HCN1: variants seen among roughly 807,000 people sequenced by gnomAD.
HCN1 encodes hyperpolarization activated cyclic nucleotide gated potassium channel 1.
Under a neutral mutation model 78.9 loss-of-function variants are expected in HCN1, and 13 were observed. That is an observed-to-expected ratio of 0.16 (90% confidence interval 0.11 to 0.26). The LOEUF (loss-of-function observed/expected upper bound fraction) is 0.26, where lower values mean the gene tolerates loss of function less well. Ranked by LOEUF, HCN1 falls within the 10% of genes least tolerant of loss-of-function variation. The pLI is 1.00. For missense variants in HCN1, 810 were observed against 1,154.3 expected (o/e 0.70, Z 4.32); for synonymous variants, 552 against 455.5 (o/e 1.21, Z -2.70).
At chr5:45,549,341 C>G (rs1743307516) in intron 2 of HCN1, among the ~76,000 whole-genome samples, 1 of 151,878 alleles carries the variant, frequency 6.6e-6, no homozygotes, top group Non-Finnish European at 1.5e-5. Flanking sequence ...GAAATAATGC[C>G]ACACATCTAC....
At chr5:45,470,397 A>AC (rs1211235130) in intron 2 of HCN1, among the ~76,000 whole-genome samples, 2 of 151,820 alleles carry the variant, frequency 1.3e-5, no homozygotes, top group Admixed American at 6.6e-5. Flanking sequence ...TATTAGTGCA[A>AC]CCCCCCTAAA....
intron 2 of HCN1, among the ~76,000 whole-genome samples, chr5:45,524,294 T>A (rs986277211): frequency 6.6e-6 from 1 of 152,194 alleles, no homozygotes; most frequent in African/African-American, 2.4e-5. Flanking sequence ...TCAGGTAGCG[T>A]GATGCCTCCC....
intron 4 of HCN1, among the ~76,000 whole-genome samples, chr5:45,374,290 T>TAATATATATTGTATACATTATATACATAA (rs71000631): frequency 7.8e-6 from 1 of 128,790 alleles, no homozygotes; most frequent in Non-Finnish European, 1.6e-5. Context: ...ATTATATACA[T>TAATATATATTGTATACATTATATACATAA]TATATATATT....
chr5:45,522,964 C>T (rs906026349), intron 2 of HCN1, among the ~76,000 whole-genome samples: 1 of 151,940 alleles, frequency 6.6e-6, no homozygotes, highest in African/African-American at 2.4e-5. Flanking sequence ...CCCATCAACT[C>T]GTCATTTAGC....
intron 5 of HCN1, 118 bp downstream of exon 5, chr5:45,352,961 GAAGCTAAAGAAGATAAGGACA>G: frequency 1.5e-6 from 1 of 667,976 alleles, no homozygotes; most frequent in African/African-American, 1.8e-5. Flanking sequence ...ATGTAGGTGA[GAAGCTAAAGAAGATAAGGACA>G]AAATATCTTA....
chr5:45,674,863 G>T (rs1000588545), intron 1 of HCN1, among the ~76,000 whole-genome samples: 2 of 151,578 alleles, frequency 1.3e-5, no homozygotes, highest in Admixed American at 6.6e-5. Context: ...ATTGCTGGAA[G>T]GAAACCAGGA....
intron 2 of HCN1, among the ~76,000 whole-genome samples, chr5:45,495,189 G>A (rs1405861808): frequency 3.6e-5 from 4 of 111,376 alleles, no homozygotes; most frequent in African/African-American, 1.4e-4. Context: ...ATTACCTTGG[G>A]CAGTATGGCC....
At chr5:45,374,011 A>AATATATATT (rs1319498752) in intron 4 of HCN1, among the ~76,000 whole-genome samples, 1 of 98,672 alleles carries the variant, frequency 1.0e-5, no homozygotes, top group African/African-American at 4.2e-5. Flanking sequence ...TTATATACAT[A>AATATATATT]ATATATATTA....
intron 1 of HCN1, among the ~76,000 whole-genome samples, chr5:45,694,421 C>T (rs1385757065): frequency 5.3e-5 from 8 of 152,126 alleles, no homozygotes; most frequent in Non-Finnish European, 1.5e-5. Context: ...CTTTGTGTGG[C>T]GGGACTGTGG....
chr5:45,355,634 G>A (rs1383117181), intron 4 of HCN1, among the ~76,000 whole-genome samples: 1 of 151,982 alleles, frequency 6.6e-6, no homozygotes, highest in Non-Finnish European at 1.5e-5. Flanking sequence ...GGCACTCAGA[G>A]AAGAAAATAT....
chr5:45,579,994 C>T (rs1744025958), intron 2 of HCN1, among the ~76,000 whole-genome samples: 1 of 152,002 alleles, frequency 6.6e-6, no homozygotes, highest in Non-Finnish European at 1.5e-5. Context: ...CACCACATTC[C>T]TCTGGAATAT....
At position 45,345,848 on chromosome 5, in the gene HCN1, G is replaced by A. The variant is rs568165978; in HGVS notation, c.1377+7252C>T. On this transcript the variant is annotated intron_variant, in intron 5 of 7. Transcript: ENST00000303230. Reference sequence around the variant, plus strand: ...TCCAAAGTCACTTCCACAATTTCAGGTATCTTTGAAGCAGTGCCCAACTAC... The same window carrying A: ...TCCAAAGTCACTTCCACAATTTCAGATATCTTTGAAGCAGTGCCCAACTAC... Among the ~76,000 whole-genome samples, 96 of 152,252 alleles carry A rather than the reference G, an allele frequency of 6.3e-4. 2 individuals are homozygous for A. The highest frequency in any genetic ancestry group is 2.2e-4 in the Non-Finnish European group (15 of 68,034).
intron 2 of HCN1, among the ~76,000 whole-genome samples, chr5:45,630,805 G>A (rs1032701357): frequency 6.6e-6 from 1 of 152,006 alleles, no homozygotes; most frequent in Non-Finnish European, 1.5e-5. Context: ...CATCCTCAAA[G>A]AGAACTGTTT....
At chr5:45,459,533 A>T (rs1741101291) in intron 3 of HCN1, among the ~76,000 whole-genome samples, 1 of 152,086 alleles carries the variant, frequency 6.6e-6, no homozygotes, top group Admixed American at 6.6e-5. Flanking sequence ...CACCACAAAC[A>T]CACACATGAA....
chr5:45,414,091 C>A (rs944535162), intron 3 of HCN1, among the ~76,000 whole-genome samples: 3 of 151,938 alleles, frequency 2.0e-5, no homozygotes, highest in East Asian at 1.9e-4. Context: ...GAAAGCAAAT[C>A]TTTATGGCCA....
At chr5:45,583,163 A>C (rs187503883) in intron 2 of HCN1, among the ~76,000 whole-genome samples, 86 of 151,930 alleles carry the variant, frequency 5.7e-4, no homozygotes, top group African/African-American at 1.7e-3. Flanking sequence ...CCTGGACTTT[A>C]TTTGGTTGGT....
At chr5:45,317,427 AGACTT>A (rs1206614406) in intron 5 of HCN1, among the ~76,000 whole-genome samples, 5 of 152,210 alleles carry the variant, frequency 3.3e-5, no homozygotes, top group Non-Finnish European at 7.4e-5. Context: ...GATAGACTAA[AGACTT>A]AAATGTTAGA....
intron 2 of HCN1, among the ~76,000 whole-genome samples, chr5:45,624,468 G>T (rs778974545): frequency 1.3e-5 from 2 of 152,158 alleles, no homozygotes; most frequent in Non-Finnish European, 2.9e-5. Flanking sequence ...GAGGATCTAG[G>T]AATGCACCTA....
chr5:45,523,932 G>T (rs1179859657), intron 2 of HCN1, among the ~76,000 whole-genome samples: 1 of 152,228 alleles, frequency 6.6e-6, no homozygotes, highest in East Asian at 1.9e-4. Context: ...TGAAGTCCTT[G>T]CCCATGCCTA....
Sources: allele counts gnomAD v4.1 joint callset (sites outside exome capture counted in the v4.1 genomes callset), GRCh38; gene constraint gnomAD v4.1.1; transcripts MANE v1.5; gene names NCBI Gene and HGNC (gene_info 2026-07-23, HGNC 2026-07-21).